WWTR1: variants seen among roughly 807,000 people sequenced by gnomAD.
The protein encoded by WWTR1 is WW domain containing transcription regulator 1, also known as WW domain-containing transcription regulator protein 1.
In WWTR1, 13 loss-of-function variants were observed where a neutral mutation model predicts 40.1. That is an observed-to-expected ratio of 0.32 (90% CI 0.21 to 0.52). The LOEUF is 0.52. Among genes scored for constraint, WWTR1 ranks in the 20% least tolerant of loss-of-function variants. WWTR1 has a pLI of 0.97. For synonymous variants in WWTR1, 230 were observed against 210.1 expected (o/e 1.09, Z -0.82); for missense variants, 436 against 523.1 (o/e 0.83, Z 1.63).
At chr3:149,579,071 A>G (rs1351970185) in intron 2 of WWTR1, among the ~76,000 whole-genome samples, 1 of 152,208 alleles carries the variant, frequency 6.6e-6, no homozygotes, top group Non-Finnish European at 1.5e-5. Flanking sequence ...TAAAAATAGG[A>G]ATGATTACAA....
At chr3:149,581,286 C>T (rs1738146185) in intron 2 of WWTR1, among the ~76,000 whole-genome samples, 1 of 151,434 alleles carries the variant, frequency 6.6e-6, no homozygotes, top group African/African-American at 2.4e-5. Context: ...GTCAAGCTGC[C>T]AATGTGCACA....
chr3:149,598,403 A>G (rs1739099888), intron 2 of WWTR1, among the ~76,000 whole-genome samples: 1 of 152,244 alleles, frequency 6.6e-6, no homozygotes, highest in Non-Finnish European at 1.5e-5. Context: ...ACTGAGGCTC[A>G]AAAGTTTAAA....
chr3:149,589,188 C>T (rs1738583774), intron 2 of WWTR1, among the ~76,000 whole-genome samples: 3 of 152,166 alleles, frequency 2.0e-5, no homozygotes, highest in Admixed American at 1.3e-4. Flanking sequence ...GGGAGACTCC[C>T]AGCTGCAATA....
intron 4 of WWTR1, among the ~76,000 whole-genome samples, chr3:149,721,872 A>G (rs1715765540): frequency 6.6e-6 from 1 of 152,072 alleles, no homozygotes; most frequent in Non-Finnish European, 1.5e-5. Flanking sequence ...ATTTTATTTC[A>G]TGGGATATTT....
intron 1 of WWTR1, among the ~76,000 whole-genome samples, chr3:149,680,160 T>C (rs1714407658): frequency 6.6e-6 from 1 of 152,216 alleles, no homozygotes; most frequent in Admixed American, 6.5e-5. Context: ...TTGTGACAGG[T>C]ATAAATGGAG....
chr3:149,682,157 A>G (rs764119331), intron 1 of WWTR1, among the ~76,000 whole-genome samples: 24 of 152,212 alleles, frequency 1.6e-4, no homozygotes, highest in Admixed American at 1.4e-3. Flanking sequence ...CTAACATTTA[A>G]GACCCCTGGG....
At chr3:149,620,135 G>A (rs535321885) in intron 2 of WWTR1, among the ~76,000 whole-genome samples, 1 of 152,256 alleles carries the variant, frequency 6.6e-6, no homozygotes, top group South Asian at 2.1e-4. Context: ...TCTCAGTTTA[G>A]AGATGTTGCA....
At chr3:149,692,893 C>T (rs910079472) in intron 1 of WWTR1, among the ~76,000 whole-genome samples, 8 of 152,104 alleles carry the variant, frequency 5.3e-5, no homozygotes, top group African/African-American at 1.9e-4. Context: ...CCTAGTCCTC[C>T]CAAAGTGCTG....
chr3:149,657,339 A>G (rs1713306308), intron 1 of WWTR1, 30 bp from the exon 2 acceptor site: 1 of 1,581,294 alleles, frequency 6.3e-7, no homozygotes, highest in Admixed American at 1.8e-5. Context: ...TCAGCCTTTT[A>G]TTTAAAGTCG....
At chr3:149,598,291 T>A (rs1292143292) in intron 2 of WWTR1, among the ~76,000 whole-genome samples, 1 of 152,248 alleles carries the variant, frequency 6.6e-6, no homozygotes, top group African/African-American at 2.4e-5. Context: ...ATCCAGCTGT[T>A]GGTTGCCTAT....
At chr3:149,609,658 T>C (rs1449727045) in intron 2 of WWTR1, among the ~76,000 whole-genome samples, 2 of 152,202 alleles carry the variant, frequency 1.3e-5, no homozygotes. Context: ...AAGTCTAAAC[T>C]ATTTACCTCT....
intron 4 of WWTR1, among the ~76,000 whole-genome samples, chr3:149,536,547 A>G (rs1009898062): frequency 5.9e-5 from 9 of 151,718 alleles, no homozygotes; most frequent in Non-Finnish European, 1.0e-4. Flanking sequence ...CCCCTCCAGG[A>G]GCCCTCTGTC....
At chr3:149,643,296 A>G (rs143721227) in intron 2 of WWTR1, among the ~76,000 whole-genome samples, 1 of 152,330 alleles carries the variant, frequency 6.6e-6, no homozygotes, top group Non-Finnish European at 1.5e-5. Context: ...TAAATTTTTT[A>G]CTGATACTCT....
chr3:149,690,918 A>G (rs1443891542), intron 1 of WWTR1, among the ~76,000 whole-genome samples: 1 of 152,206 alleles, frequency 6.6e-6, no homozygotes. Flanking sequence ...CAATGGAATA[A>G]AACGAGAAAT....
At chr3:149,640,245 A>G (rs1305976128) in intron 2 of WWTR1, among the ~76,000 whole-genome samples, 1 of 152,058 alleles carries the variant, frequency 6.6e-6, no homozygotes, top group Non-Finnish European at 1.5e-5. Context: ...ATTTCACCCA[A>G]TCTCCTCTGC....
intron 2 of WWTR1, among the ~76,000 whole-genome samples, chr3:149,576,601 C>T (rs1737891532): frequency 6.6e-6 from 1 of 152,168 alleles, no homozygotes; most frequent in Non-Finnish European, 1.5e-5. Context: ...AATGCACACA[C>T]ATATACAAAT....
chr3:149,664,611 G>A (rs111917361), intron 2 of WWTR1, among the ~76,000 whole-genome samples: 3,144 of 148,372 alleles, frequency 0.021, 118 homozygotes, highest in African/African-American at 0.075. Context: ...TTTTTGAGAC[G>A]GAGTTTCGCT....
chr3:149,657,134 G>T lies in WWTR1; in HGVS notation c.173C>A (p.Ser58Ter). Reference protein sequence around the residue: ...LPESFFKEPDSGSHSRQSSTD... With the variant: ...LPESFFKEPD The stretch of plus-strand genomic sequence containing the variant: ...GCTGGACTGGCGCGAGTGCGAGCCC[G>T]AATCAGGCTCCTTAAAGAAAGACTC... The change falls in exon 2 of 7, where the codon TCG becomes TAG. Residue 58 changes from serine (S) to a stop codon, truncating the protein, a stop_gained. Transcript: ENST00000360632. LOFTEE classifies it high-confidence loss of function. 6.3e-7 allele frequency: 1 copy of T among 1,596,312 alleles called. No individual in the cohort carries two copies.
At chr3:149,591,078 A>G (rs1738697497) in intron 2 of WWTR1, among the ~76,000 whole-genome samples, 1 of 152,176 alleles carries the variant, frequency 6.6e-6, no homozygotes, top group Non-Finnish European at 1.5e-5. Flanking sequence ...AATAAAACAA[A>G]TTAGGTCCAT....
Sources: allele counts gnomAD v4.1 joint callset (sites outside exome capture counted in the v4.1 genomes callset), GRCh38; gene constraint gnomAD v4.1.1; transcripts MANE v1.5; gene names NCBI Gene and HGNC (gene_info 2026-07-23, HGNC 2026-07-21).